The following SMG6 variants were observed in gnomAD, a reference collection of about 807,000 sequenced individuals.
SMG6 encodes SMG6 nonsense mediated mRNA decay factor.
SMG6 carries 66 observed loss-of-function variants against 142.2 expected under a neutral mutation model. That is an observed-to-expected ratio of 0.46 (90% confidence interval 0.38 to 0.57). SMG6 has a LOEUF of 0.57. Among genes scored for constraint, SMG6 ranks in the 20% least tolerant of loss-of-function variants. The pLI, the probability that SMG6 is intolerant of heterozygous loss-of-function variation, is 0.00. For synonymous variants in SMG6, 779 were observed against 702.4 expected (o/e 1.11, Z -1.72); for missense variants, 1,793 against 1,832.0 (o/e 0.98, Z 0.39).
At chr17:2,118,693 C>G (rs906961077) in intron 13 of SMG6, among the ~76,000 whole-genome samples, 4 of 150,168 alleles carry the variant, frequency 2.7e-5, no homozygotes, top group Admixed American at 2.7e-4. Context: ...CACACTGCAG[C>G]CTTGCCGTGC....
At chr17:2,250,435 T>G (rs1183851359) in intron 8 of SMG6, among the ~76,000 whole-genome samples, 2 of 151,824 alleles carry the variant, frequency 1.3e-5, no homozygotes, top group Non-Finnish European at 2.9e-5. Flanking sequence ...TCACCCAGAC[T>G]GGAGTACAGT....
chr17:2,190,667 G>T (rs892046425), intron 10 of SMG6, among the ~76,000 whole-genome samples: 3 of 152,200 alleles, frequency 2.0e-5, no homozygotes, highest in Admixed American at 6.5e-5. Flanking sequence ...GACCAGGCAA[G>T]GTAGCAACAG....
intron 13 of SMG6, among the ~76,000 whole-genome samples, chr17:2,103,954 CTT>C (rs572734238): frequency 3.5e-5 from 5 of 141,774 alleles, no homozygotes; most frequent in East Asian, 2.0e-4. Flanking sequence ...TCAACACATT[CTT>C]TTTTTTTTTT....
chr17:2,247,260 G>T (rs2073947188), intron 8 of SMG6, among the ~76,000 whole-genome samples: 1 of 152,228 alleles, frequency 6.6e-6, no homozygotes, highest in Admixed American at 6.5e-5. Flanking sequence ...GAATCTGGGA[G>T]AAGAATATGT....
intron 13 of SMG6, among the ~76,000 whole-genome samples, chr17:2,146,231 T>G (rs1405646998): frequency 6.6e-6 from 1 of 152,200 alleles, no homozygotes; most frequent in East Asian, 1.9e-4. Context: ...ATTTGTTAGA[T>G]TACATAACAT....
intron 10 of SMG6, among the ~76,000 whole-genome samples, chr17:2,233,800 C>A (rs2073567476): frequency 6.6e-6 from 1 of 152,172 alleles, no homozygotes; most frequent in Non-Finnish European, 1.5e-5. Flanking sequence ...TTCCCACCAG[C>A]CAGCCCTGCC....
At chr17:2,185,144 C>A (rs1339679354) in intron 12 of SMG6, among the ~76,000 whole-genome samples, 1 of 151,938 alleles carries the variant, frequency 6.6e-6, no homozygotes, top group Non-Finnish European at 1.5e-5. Context: ...TACGGACATC[C>A]CACATGAACA....
intron 10 of SMG6, among the ~76,000 whole-genome samples, chr17:2,206,444 T>TG (rs1271957641): frequency 6.6e-6 from 1 of 151,520 alleles, no homozygotes; most frequent in Non-Finnish European, 1.5e-5. Flanking sequence ...TTGGGCAAGG[T>TG]GGCATGCTCC....
intron 9 of SMG6, chr17:2,237,622 A>T (rs1359738706): frequency 1.7e-5 from 16 of 918,010 alleles, no homozygotes; most frequent in Non-Finnish European, 1.8e-5. Flanking sequence ...GCCAAGTGCC[A>T]CTCCCAATAC....
At chr17:2,282,373 C>T (rs113653621) in intron 8 of SMG6, among the ~76,000 whole-genome samples, 18 of 123,488 alleles carry the variant, frequency 1.5e-4, no homozygotes, top group African/African-American at 4.3e-4. Flanking sequence ...ATGTTGATGA[C>T]GCTGAACAAA....
chr17:2,126,374 A>C (rs531550388), intron 13 of SMG6, among the ~76,000 whole-genome samples: 95 of 152,328 alleles, frequency 6.2e-4, no homozygotes, highest in African/African-American at 2.3e-3. Context: ...AATCTTTATG[A>C]CACTGGATTT....
At chr17:2,192,933 G>C (rs550432623) in intron 10 of SMG6, among the ~76,000 whole-genome samples, 1 of 152,212 alleles carries the variant, frequency 6.6e-6, no homozygotes, top group Non-Finnish European at 1.5e-5. Flanking sequence ...GGAGCAGAAC[G>C]AATGAGTCAG....
chr17:2,071,503 G>A lies in SMG6; in HGVS notation c.3682-2572C>T, dbSNP rs1330426529. On this transcript the variant is annotated intron_variant, in intron 15 of 18. Transcript: ENST00000263073. This position sits in a 1 kb window ranked among gnomAD's most constrained non-coding sequence, Gnocchi z 5.6. ...TTGCAGCTAGAAAGGTGAATAGGCC[G>A]CAGCCTTTCAGAGGGGGCTTCCCTG... Among the ~76,000 whole-genome samples the A allele has an allele frequency of 6.6e-6, 1 of 152,184 alleles. No individual in the cohort carries two copies. The highest frequency in any genetic ancestry group is 1.5e-5 in the Non-Finnish European group (1 of 68,032).
intron 12 of SMG6, among the ~76,000 whole-genome samples, chr17:2,185,359 G>A (rs1018186546): frequency 7.3e-5 from 11 of 151,640 alleles, no homozygotes; most frequent in Non-Finnish European, 1.5e-4. Context: ...GCACAGAGTC[G>A]GACACAACCC....
At chr17:2,262,538 C>G (rs1321317867) in intron 8 of SMG6, among the ~76,000 whole-genome samples, 1 of 152,150 alleles carries the variant, frequency 6.6e-6, no homozygotes, top group African/African-American at 2.4e-5. Flanking sequence ...ATGTTTTTAT[C>G]CATGTTGTTC....
intron 15 of SMG6, among the ~76,000 whole-genome samples, chr17:2,075,424 G>A (rs1315634490): frequency 6.6e-6 from 1 of 152,224 alleles, no homozygotes; most frequent in Non-Finnish European, 1.5e-5. Flanking sequence ...TGTGGCCAGA[G>A]GAAGAGCCTG....
At chr17:2,074,037 C>A (rs909175382) in intron 15 of SMG6, among the ~76,000 whole-genome samples, 1 of 152,128 alleles carries the variant, frequency 6.6e-6, no homozygotes, top group Admixed American at 6.5e-5. Context: ...CGAGACCATG[C>A]CACTGCACTC....
At chr17:2,099,773 C>T (rs1349469076) in intron 13 of SMG6, among the ~76,000 whole-genome samples, 1 of 152,192 alleles carries the variant, frequency 6.6e-6, no homozygotes, top group Non-Finnish European at 1.5e-5. Flanking sequence ...GTCAGTTCTC[C>T]CTTCTTCACA....
rs1053868308 is a variant in SMG6 at position 2,065,807 on chromosome 17, C to T, written c.3836-128G>A. On this transcript the variant is annotated intron_variant, in intron 16 of 18. Coordinates refer to ENST00000263073, the MANE Select transcript of SMG6 (RefSeq NM_017575.5). ...CCATCCTTCCCCCACAGGAGTCTTCCAATGAAACTAGGGCCGGAGGGGAGC... is the reference window on the plus strand; with the variant it reads ...CCATCCTTCCCCCACAGGAGTCTTCTAATGAAACTAGGGCCGGAGGGGAGC... The T allele has an allele frequency of 1.5e-4, 115 of 774,174 alleles. 1 individual carries two copies. Among genetic ancestry groups the T allele is most frequent in the Non-Finnish European group, 2.2e-4 (107 of 477,246 alleles). The allele number at this position is 774,174 out of a possible 1,614,324, so 48.0% of individuals were successfully genotyped here. A position where few individuals can be genotyped will look rare whatever the true frequency, so the allele number is the denominator to read the frequency against.
Sources: gnomAD v4.1 joint callset for allele counts (sites outside exome capture counted in the v4.1 genomes callset) on GRCh38, gnomAD v4.1.1 for gene constraint, Gnocchi (gnomAD v3.1) non-coding constraint, MANE v1.5 for transcripts, NCBI Gene and HGNC (gene_info 2026-07-23, HGNC 2026-07-21) for gene names.